The following TIPARP variants were observed in gnomAD, a reference collection of about 807,000 sequenced individuals.
The protein encoded by TIPARP is protein mono-ADP-ribosyltransferase TIPARP.
TIPARP carries 12 observed loss-of-function variants against 56.5 expected under a neutral mutation model. The observed-to-expected ratio is 0.21, with a 90% CI of 0.14 to 0.34. The LOEUF (loss-of-function observed/expected upper bound fraction) is 0.34. Among genes scored for constraint, TIPARP ranks in the 10% least tolerant of loss-of-function variants. The pLI is 1.00. For missense variants in TIPARP, 604 were observed against 781.6 expected (o/e 0.77, Z 2.71); for synonymous variants, 296 against 265.7 (o/e 1.11, Z -1.11).
intron 3 of TIPARP, among the ~76,000 whole-genome samples, chr3:156,694,472 C>T (rs1343426231): frequency 6.6e-6 from 1 of 152,154 alleles, no homozygotes; most frequent in Non-Finnish European, 1.5e-5. Flanking sequence ...ATATTTTGAC[C>T]TGTTGCCGCC....
intron 2 of TIPARP, among the ~76,000 whole-genome samples, chr3:156,679,095 T>C (rs546687425): frequency 2.0e-5 from 3 of 152,348 alleles, no homozygotes; most frequent in African/African-American, 7.2e-5. Flanking sequence ...TTTCTGTGAA[T>C]GATTCAGAAG....
intron 2 of TIPARP, among the ~76,000 whole-genome samples, chr3:156,687,792 G>T (rs542950161): frequency 1.3e-5 from 2 of 152,124 alleles, no homozygotes; most frequent in Admixed American, 6.5e-5. Context: ...GATGTCTAAC[G>T]ATTTATGAAT....
intron 1 of TIPARP, among the ~76,000 whole-genome samples, chr3:156,676,337 C>T (rs1278499078): frequency 6.6e-6 from 1 of 152,200 alleles, no homozygotes; most frequent in Non-Finnish European, 1.5e-5. Flanking sequence ...TCGTTATAAA[C>T]TGCTTTGTAT....
At chr3:156,703,345 C>T in intron 4 of TIPARP, 79 bp from the exon 5 acceptor site, 1 of 1,391,132 alleles carries the variant, frequency 7.2e-7, no homozygotes, top group Non-Finnish European at 9.8e-7. Flanking sequence ...ATTAAGTAGA[C>T]ACTGATATAG....
chr3:156,686,753 T>G (rs344005), intron 2 of TIPARP, among the ~76,000 whole-genome samples: 1 of 152,256 alleles, frequency 6.6e-6, no homozygotes, highest in South Asian at 2.1e-4. Flanking sequence ...TTAGAAAATA[T>G]TTTTATGATA....
At chr3:156,678,714 T>C in intron 2 of TIPARP, 100 bp downstream of exon 2, 2 of 1,027,294 alleles carry the variant, frequency 1.9e-6, no homozygotes, top group East Asian at 5.2e-5. Flanking sequence ...TAGTAACAGG[T>C]TTTCTTTTTT....
chr3:156,690,777 C>CT (rs1445944387), intron 2 of TIPARP, among the ~76,000 whole-genome samples: 1 of 152,072 alleles, frequency 6.6e-6, no homozygotes, highest in Admixed American at 6.6e-5. Flanking sequence ...TACCCATACT[C>CT]TTTTTTGGCT....
At chr3:156,686,348 C>T (rs1250638461) in intron 2 of TIPARP, among the ~76,000 whole-genome samples, 1 of 152,132 alleles carries the variant, frequency 6.6e-6, no homozygotes, top group Non-Finnish European at 1.5e-5. Context: ...CAATTTAAGA[C>T]GATGTTTGAA....
At chr3:156,679,161 G>C (rs1456063879) in intron 2 of TIPARP, among the ~76,000 whole-genome samples, 1 of 151,544 alleles carries the variant, frequency 6.6e-6, no homozygotes, top group Non-Finnish European at 1.5e-5. Flanking sequence ...TCACCATTAA[G>C]TTTATATTAT....
chr3:156,703,373 T>G (rs747881011), intron 4 of TIPARP, 51 bp from the exon 5 acceptor site: 1 of 1,564,872 alleles, frequency 6.4e-7, no homozygotes, highest in African/African-American at 1.4e-5. Flanking sequence ...TAATGTGAGG[T>G]GTACTTATTT....
At chr3:156,690,602 C>A (rs1425927285) in intron 2 of TIPARP, among the ~76,000 whole-genome samples, 1 of 152,120 alleles carries the variant, frequency 6.6e-6, no homozygotes, top group Admixed American at 6.6e-5. Context: ...AATATTTCAG[C>A]GGTTCAAGTT....
chr3:156,682,194 T>C (rs1722325757), intron 2 of TIPARP, among the ~76,000 whole-genome samples: 1 of 152,224 alleles, frequency 6.6e-6, no homozygotes, highest in African/African-American at 2.4e-5. Flanking sequence ...GCAAACCTTA[T>C]TTTGGAGGCT....
intron 3 of TIPARP, among the ~76,000 whole-genome samples, chr3:156,695,418 G>A (rs962076632): frequency 4.6e-5 from 7 of 151,584 alleles, no homozygotes; most frequent in African/African-American, 1.7e-4. Flanking sequence ...AGGATCTTGC[G>A]ATGTTGCCCA....
chr3:156,699,534 G>GT (rs1029246306), intron 4 of TIPARP, among the ~76,000 whole-genome samples: 1 of 151,920 alleles, frequency 6.6e-6, no homozygotes, highest in African/African-American at 2.4e-5. Context: ...TATAAATATT[G>GT]TTTTTTTAAA....
Position 156,704,962 on chromosome 3 carries a change from G to C in TIPARP, c.1805G>C (p.Gly602Ala), listed in dbSNP as rs1174463849. 1.2e-6 allele frequency: 2 copies of C among 1,614,106 alleles called. No individual in the cohort carries two copies. Among genetic ancestry groups the C allele is most frequent in the African/African-American group, 2.7e-5 (2 of 74,930 alleles). Reference protein sequence around the residue: ...LTGRYTMGSHGMRRPPPVNPG... With the variant: ...LTGRYTMGSHAMRRPPPVNPG... ...GGCAGATACACAATGGGCAGTCATG[G>C]CATGAGAAGGCCCCCGCCAGTCAAT... is the stretch of plus-strand genomic sequence containing the variant. The change falls in exon 6 of 6, where the codon GGC becomes GCC. Residue 602 changes from glycine (G) to alanine (A), a missense_variant. Gly to Ala is a moderately conservative substitution (Grantham distance 60). Transcript: ENST00000295924.
At chr3:156,704,544 C>G in intron 5 of TIPARP, 140 bp from the exon 6 acceptor site, 1 of 828,110 alleles carries the variant, frequency 1.2e-6, no homozygotes, top group South Asian at 1.9e-5. Context: ...TAAGTTTCAA[C>G]TTTTAATAGG....
chr3:156,685,682 C>T (rs1722412399), intron 2 of TIPARP, among the ~76,000 whole-genome samples: 1 of 152,194 alleles, frequency 6.6e-6, no homozygotes, highest in African/African-American at 2.4e-5. Context: ...ATTACATTAG[C>T]TTTTCTTTTT....
intron 2 of TIPARP, among the ~76,000 whole-genome samples, chr3:156,682,154 T>C (rs1031546119): frequency 3.3e-5 from 5 of 152,198 alleles, no homozygotes; most frequent in African/African-American, 1.2e-4. Context: ...AATTTTCTAT[T>C]TATTTCCACC....
chr3:156,694,371 T>G (rs1722657058), intron 3 of TIPARP, among the ~76,000 whole-genome samples, 183 bp downstream of exon 3: 1 of 152,254 alleles, frequency 6.6e-6, no homozygotes, highest in Non-Finnish European at 1.5e-5. Context: ...AAAATTTATT[T>G]CTTTCCATTA....
Sources: gnomAD v4.1 joint callset for allele counts (sites outside exome capture counted in the v4.1 genomes callset) on GRCh38, gnomAD v4.1.1 for gene constraint, MANE v1.5 for transcripts, NCBI Gene and HGNC (gene_info 2026-07-23, HGNC 2026-07-21) for gene names.